Variants in SPATS2L observed in about 807,000 individuals in gnomAD.
SPATS2L encodes spermatogenesis associated serine rich 2 like, also known as SPATS2-like protein.
A neutral mutation model predicts 59.6 loss-of-function variants in SPATS2L; 30 were observed. That is an observed-to-expected ratio of 0.50 (90% CI 0.38 to 0.68). SPATS2L has a LOEUF of 0.68. Ranked by LOEUF, SPATS2L falls within the 30% of genes least tolerant of loss-of-function variation. SPATS2L has a pLI of 0.00. For synonymous variants in SPATS2L, 252 were observed against 263.5 expected (o/e 0.96, Z 0.42); for missense variants, 615 against 700.0 (o/e 0.88, Z 1.37).
At chr2:200,353,937 G>A (rs2080823771) in intron 2 of SPATS2L, among the ~76,000 whole-genome samples, 1 of 152,158 alleles carries the variant, frequency 6.6e-6, no homozygotes, top group Non-Finnish European at 1.5e-5. Flanking sequence ...ATTTTGCATG[G>A]TGGTGTCCAT....
At chr2:200,380,794 A>T (rs1441996025) in intron 2 of SPATS2L, among the ~76,000 whole-genome samples, 1 of 152,242 alleles carries the variant, frequency 6.6e-6, no homozygotes, top group Non-Finnish European at 1.5e-5. Context: ...TTTGAATGAA[A>T]ATGCAACCTT....
rs189271605 is a variant in SPATS2L, at chr2:200,362,220, C to G, written c.-22-27003C>G. ...CTGTGATGGAGCCACTGCACTGTAG[C>G]CTGGACAACAGAGACAGACCTTGTC... On this transcript the variant is annotated intron_variant, in intron 2 of 12. Coordinates refer to ENST00000409140, the MANE Select transcript of SPATS2L (RefSeq NM_001100423.2). Among the ~76,000 whole-genome samples, 44 of 152,246 alleles carry G rather than the reference C, an allele frequency of 2.9e-4. No individual in the cohort carries two copies. The East Asian group carries it at 7.3e-3, about 25-fold the overall frequency.
intron 1 of SPATS2L, among the ~76,000 whole-genome samples, chr2:200,326,076 A>T (rs2079729430): frequency 6.6e-6 from 1 of 152,252 alleles, no homozygotes; most frequent in Non-Finnish European, 1.5e-5. Context: ...AAGGGCACCC[A>T]GGTAGAAAGG....
chr2:200,450,881 C>A (rs1412351375), intron 8 of SPATS2L, among the ~76,000 whole-genome samples: 1 of 152,138 alleles, frequency 6.6e-6, no homozygotes, highest in African/African-American at 2.4e-5. Context: ...GGTTCCATTG[C>A]AGAGGTGACC....
At chr2:200,309,661 C>T (rs2079134065) in intron 1 of SPATS2L, among the ~76,000 whole-genome samples, 1 of 152,214 alleles carries the variant, frequency 6.6e-6, no homozygotes, top group Non-Finnish European at 1.5e-5. Flanking sequence ...TAATCCATTT[C>T]ATCACTGTTT....
At chr2:200,454,038 T>C (rs553282594) in intron 8 of SPATS2L, among the ~76,000 whole-genome samples, 1 of 152,188 alleles carries the variant, frequency 6.6e-6, no homozygotes, top group East Asian at 1.9e-4. Context: ...GAATGATGAG[T>C]TAAGCTCCAG....
chr2:200,464,638 T>A (rs73059864), intron 9 of SPATS2L, among the ~76,000 whole-genome samples: 4,444 of 152,120 alleles, frequency 0.029, 212 homozygotes, highest in African/African-American at 0.1. Context: ...TCAGACTTTT[T>A]TTATTATTAT....
At chr2:200,437,063 A>C (rs2084348876) in intron 6 of SPATS2L, among the ~76,000 whole-genome samples, 1 of 152,132 alleles carries the variant, frequency 6.6e-6, no homozygotes, top group Non-Finnish European at 1.5e-5. Flanking sequence ...CATGATTGTA[A>C]GCTTCCTGAG....
chr2:200,442,220 A>G (rs745934857), intron 8 of SPATS2L, among the ~76,000 whole-genome samples: 1 of 152,242 alleles, frequency 6.6e-6, no homozygotes. Context: ...TAAAGATGCT[A>G]TACAAATGAA....
chr2:200,370,969 A>G (rs1311093843), intron 2 of SPATS2L, among the ~76,000 whole-genome samples: 4 of 152,226 alleles, frequency 2.6e-5, no homozygotes, highest in African/African-American at 9.6e-5. Flanking sequence ...ATGTAAACAC[A>G]TGCACTTAAG....
chr2:200,329,351 G>A (rs1246847589), intron 1 of SPATS2L, 80 bp from the exon 2 acceptor site: 1 of 1,207,200 alleles, frequency 8.3e-7, no homozygotes, highest in African/African-American at 1.5e-5. Flanking sequence ...CTGTGCTTGG[G>A]TTTTGAGTGT....
Position 200,306,785 on chromosome 2 carries a change from C to G in SPATS2L, c.-210C>G. 37 of 981,484 alleles carry G rather than the reference C, an allele frequency of 3.8e-5. No individual in the cohort carries two copies. Among genetic ancestry groups the G allele is most frequent in the Non-Finnish European group, 4.5e-5 (37 of 828,174 alleles). The allele number at this position is 981,484 out of a possible 1,614,324, so 60.8% of individuals were successfully genotyped here. A position where few individuals can be genotyped will look rare whatever the true frequency, so the allele number is the denominator to read the frequency against. On this transcript the variant is annotated 5_prime_UTR_variant, in exon 1 of 13. Transcript: ENST00000409140. ...AGCGCGGGGCGAGCTCCGGACGGCG[C>G]GCGGCCCAGGCAGCGGCTCCCGCTC...
chr2:200,399,860 T>TA (rs1407422909), intron 3 of SPATS2L, among the ~76,000 whole-genome samples: 2 of 152,166 alleles, frequency 1.3e-5, no homozygotes, highest in Non-Finnish European at 2.9e-5. Flanking sequence ...TGGTATTGAC[T>TA]AAAAAATAAT....
intron 2 of SPATS2L, among the ~76,000 whole-genome samples, chr2:200,362,656 G>A (rs964272443): frequency 3.9e-5 from 6 of 152,204 alleles, no homozygotes; most frequent in African/African-American, 1.4e-4. Context: ...GGGCGATTGT[G>A]CACCCAGGTA....
chr2:200,324,266 G>A (rs1350934877), intron 1 of SPATS2L, among the ~76,000 whole-genome samples: 1 of 152,150 alleles, frequency 6.6e-6, no homozygotes, highest in Non-Finnish European at 1.5e-5. Flanking sequence ...TGATTGAAAT[G>A]TCTCTGTGGA....
chr2:200,413,661 T>G (rs2082962648), intron 4 of SPATS2L, among the ~76,000 whole-genome samples: 1 of 152,244 alleles, frequency 6.6e-6, no homozygotes, highest in Admixed American at 6.5e-5. Context: ...TTTGATTTAC[T>G]TATTTTCCTA....
intron 11 of SPATS2L, among the ~76,000 whole-genome samples, chr2:200,472,595 G>T (rs1157707689): frequency 4.6e-5 from 7 of 152,206 alleles, no homozygotes; most frequent in Non-Finnish European, 8.8e-5. Flanking sequence ...TCCTACAAAT[G>T]TCTCCCAACT....
chr2:200,463,645 G>C (rs2086393857), intron 9 of SPATS2L, among the ~76,000 whole-genome samples: 1 of 152,186 alleles, frequency 6.6e-6, no homozygotes, highest in Non-Finnish European at 1.5e-5. Flanking sequence ...CAAGTGTGTT[G>C]TAGTGCTAGG....
chr2:200,335,069 T>C (rs2080095591), intron 2 of SPATS2L, among the ~76,000 whole-genome samples: 1 of 152,194 alleles, frequency 6.6e-6, no homozygotes, highest in African/African-American at 2.4e-5. Flanking sequence ...GGTAGCTTGA[T>C]GGGGATGGCA....
Sources: gnomAD v4.1 joint callset for allele counts (sites outside exome capture counted in the v4.1 genomes callset) on GRCh38, gnomAD v4.1.1 for gene constraint, MANE v1.5 for transcripts, NCBI Gene and HGNC (gene_info 2026-07-23, HGNC 2026-07-21) for gene names.